HECTD4: variants seen among roughly 807,000 people sequenced by gnomAD.
HECTD4 encodes probable E3 ubiquitin-protein ligase HECTD4.
HECTD4 carries 114 observed loss-of-function variants against 471.5 expected under a neutral mutation model. That is an observed-to-expected ratio of 0.24 (90% CI 0.21 to 0.28). The LOEUF is 0.28. HECTD4 is among the 10% of genes least tolerant of loss of function. The probability of loss-of-function intolerance (pLI) is 1.00; values close to 1 mark genes in which losing one functional copy is unlikely to be tolerated. For synonymous variants in HECTD4, 2,012 were observed against 2,256.0 expected (o/e 0.89, Z 3.07); for missense variants, 3,866 against 5,651.5 (o/e 0.68, Z 10.13).
Position 112,201,119 on chromosome 12 carries a change from A to C in HECTD4, c.8407-321T>G, listed in dbSNP as rs775667569. 6.8e-5 allele frequency: 31 copies of C among 457,110 alleles called. 1 individual carries two copies. Among genetic ancestry groups the C allele is most frequent in the South Asian group, 4.9e-4 (31 of 63,700 alleles). 28.3% of individuals were successfully genotyped at this position (457,110 alleles called of 1,614,324 possible). A position where few individuals can be genotyped will look rare whatever the true frequency, so the allele number is the denominator to read the frequency against. On this transcript the variant is annotated intron_variant, in intron 54 of 75. Transcript: ENST00000682272. ...TCTTATTTTATTTTTTTTGAGATGGAGTCTCACCGTGTCATCCAAGCTGGA... is the reference window on the plus strand; with the variant it reads ...TCTTATTTTATTTTTTTTGAGATGGCGTCTCACCGTGTCATCCAAGCTGGA...
At chr12:112,206,043 TG>T (rs976161815) in intron 52 of HECTD4, among the ~76,000 whole-genome samples, 1 of 152,206 alleles carries the variant, frequency 6.6e-6, no homozygotes, top group Non-Finnish European at 1.5e-5. Flanking sequence ...CATACGATTA[TG>T]TTTGATAGCA....
At chr12:112,305,522 G>A (rs1365727232) in intron 7 of HECTD4, among the ~76,000 whole-genome samples, 1 of 151,976 alleles carries the variant, frequency 6.6e-6, no homozygotes, top group Non-Finnish European at 1.5e-5. Context: ...ACTTGTTTAT[G>A]GTTAATCTTT....
intron 6 of HECTD4, 34 bp from the exon 7 acceptor site, chr12:112,306,268 CCACATATAAATTCTGATTAATCCTAT>C (rs2035269804): frequency 7.0e-7 from 1 of 1,432,720 alleles, no homozygotes. Flanking sequence ...TCCATTAGAG[CCACATATAAATTCTGATTAATCCTAT>C]CAGCTCATCA....
chr12:112,300,632 C>CT (rs2035143674), intron 7 of HECTD4, among the ~76,000 whole-genome samples: 1 of 152,172 alleles, frequency 6.6e-6, no homozygotes, highest in Admixed American at 6.5e-5. Context: ...GGTTCTCACT[C>CT]TGTCACTCAT....
At position 112,193,222 on chromosome 12, in the gene HECTD4, C is replaced by T. The variant is rs754789398; in HGVS notation, c.8956-31G>A. The T allele has an allele frequency of 3.1e-6, 5 of 1,610,288 alleles. No individual in the cohort carries two copies. Among genetic ancestry groups the T allele is most frequent in the Non-Finnish European group, 3.4e-6 (4 of 1,178,190 alleles). Reference sequence around the variant, plus strand: ...AAGAGACACTGAATAAGGAAAGCCACGGGCTAAACACAGGGACAGCATTTC... The same window carrying T: ...AAGAGACACTGAATAAGGAAAGCCATGGGCTAAACACAGGGACAGCATTTC... On this transcript the variant is annotated intron_variant, in intron 57 of 75. Coordinates refer to ENST00000682272, the MANE Select transcript of HECTD4 (RefSeq NM_001388303.1). The surrounding 1 kb of genome is among the most constrained non-coding windows in gnomAD (Gnocchi z 5.2).
At chr12:112,201,103 AT>A (rs762158978) in intron 54 of HECTD4, 43 of 466,658 alleles carry the variant, frequency 9.2e-5, no homozygotes, top group Admixed American at 1.9e-4. Context: ...ATCTTATTTT[AT>A]TTTTTTTGAG....
intron 7 of HECTD4, among the ~76,000 whole-genome samples, chr12:112,304,436 T>G (rs2035233666): frequency 1.3e-5 from 2 of 152,052 alleles, no homozygotes; most frequent in South Asian, 4.2e-4. Context: ...ATTTTTGTAT[T>G]TTTTTGCAGA....
At chr12:112,309,053 G>A (rs1475963170) in intron 5 of HECTD4, among the ~76,000 whole-genome samples, 162 bp from the exon 6 acceptor site, 4 of 152,186 alleles carry the variant, frequency 2.6e-5, no homozygotes, top group African/African-American at 9.7e-5. Context: ...CTTCAGGACT[G>A]CCAAACTATA....
At chr12:112,217,322 C>CAT (rs1430299558) in intron 45 of HECTD4, 127 bp from the exon 46 acceptor site, 1 of 508,808 alleles carries the variant, frequency 2.0e-6, no homozygotes, top group South Asian at 5.2e-5. Context: ...CACACATACA[C>CAT]ACACACACAC....
At chr12:112,257,658 T>C (rs1473307555) in intron 20 of HECTD4, among the ~76,000 whole-genome samples, 3 of 152,326 alleles carry the variant, frequency 2.0e-5, no homozygotes, top group Admixed American at 6.5e-5. Flanking sequence ...TTGTTGTATA[T>C]AACAAAAGTT....
chr12:112,199,653 G>A (rs1240582995), intron 55 of HECTD4, among the ~76,000 whole-genome samples: 1 of 152,244 alleles, frequency 6.6e-6, no homozygotes, highest in African/African-American at 2.4e-5. Context: ...GTGAACATGA[G>A]GGAGCTTTGC....
chr12:112,210,089 C>G lies in HECTD4; in HGVS notation c.7793G>C (p.Gly2598Ala), dbSNP rs1422288254. The G allele has an allele frequency of 6.8e-6, 11 of 1,613,922 alleles. No individual in the cohort carries two copies. The highest frequency in any genetic ancestry group is 5.9e-6 in the Non-Finnish European group (7 of 1,179,910). The change falls in exon 50 of 76, where the codon GGC becomes GCC. Residue 2598 changes from glycine to alanine, a missense_variant. By Grantham distance (60) the Gly-to-Ala change is moderately conservative (BLOSUM62 0). Transcript: ENST00000682272. ...AMASDSDNDA[G>A]TSIASDPGTH... ...GCCTGGGTCTGATGCAATACTGGTGCCAGCATCATTGTCACTGTCAGATGC... is the reference window on the plus strand; with the variant it reads ...GCCTGGGTCTGATGCAATACTGGTGGCAGCATCATTGTCACTGTCAGATGC...
chr12:112,375,310 AT>A (rs906437170), intron 1 of HECTD4, among the ~76,000 whole-genome samples: 1 of 152,154 alleles, frequency 6.6e-6, no homozygotes, highest in African/African-American at 2.4e-5. Context: ...GGACATTTGG[AT>A]TGTTTCCAGC....
chr12:112,185,538 G>A, intron 60 of HECTD4, 45 bp from the exon 61 acceptor site: 3 of 1,425,416 alleles, frequency 2.1e-6, no homozygotes, highest in Non-Finnish European at 2.9e-6. Flanking sequence ...TGCAGCACTG[G>A]CTATGTTCCA....
intron 10 of HECTD4, among the ~76,000 whole-genome samples, chr12:112,274,113 C>T (rs575666107): frequency 2.0e-5 from 3 of 152,196 alleles, no homozygotes; most frequent in Admixed American, 6.5e-5. Context: ...TATAATAGGA[C>T]CAATTAACAT....
chr12:112,270,116 C>A, intron 12 of HECTD4, 111 bp downstream of exon 12: 1 of 920,658 alleles, frequency 1.1e-6, no homozygotes, highest in Non-Finnish European at 1.6e-6. Flanking sequence ...TGGTAAGATG[C>A]AGAACAGGAA....
intron 37 of HECTD4, 120 bp from the exon 38 acceptor site, chr12:112,233,205 T>G (rs2033423912): frequency 2.5e-6 from 1 of 401,384 alleles, no homozygotes; most frequent in South Asian, 2.6e-5. Flanking sequence ...TAGCTTACAC[T>G]AACATTAGCT....
At chr12:112,312,690 A>G (rs1035308621) in intron 4 of HECTD4, among the ~76,000 whole-genome samples, 6 of 152,222 alleles carry the variant, frequency 3.9e-5, no homozygotes, top group Non-Finnish European at 7.3e-5. Context: ...CTGATATTCT[A>G]TTAGCAGACA....
chr12:112,259,125 A>T lies in HECTD4; in HGVS notation c.3014T>A (p.Leu1005His), dbSNP rs774579147. ...ALMPQLVQLV[L>H]YTSQTALLLK... ...CAAGGATCATACCTGGCTGGTATAGAGTACCAGCTGCACTAGCTGAGGCAT... is the reference window on the plus strand; with the variant it reads ...CAAGGATCATACCTGGCTGGTATAGTGTACCAGCTGCACTAGCTGAGGCAT... Residue 1005 changes from leucine (L) to histidine (H), a missense_variant, in exon 19 of 76, where the codon CTC becomes CAC. By Grantham distance (99) the Leu-to-His change is moderately conservative (BLOSUM62 -3). Around this residue, in one of 16 missense-constraint regions of HECTD4, gnomAD observed 525 missense variants for 672.6 expected, o/e 0.78. Coordinates refer to ENST00000682272, the MANE Select transcript of HECTD4 (RefSeq NM_001388303.1). The T allele has an allele frequency of 1.9e-6, 3 of 1,612,302 alleles. No homozygotes were observed. The highest frequency in any genetic ancestry group is 3.4e-5 in the Admixed American group (2 of 59,430).
Sources: gnomAD v4.1 joint callset for allele counts (sites outside exome capture counted in the v4.1 genomes callset) on GRCh38, gnomAD v4.1.1 for gene constraint, gnomAD v4.1.1 regional missense constraint, Gnocchi (gnomAD v3.1) non-coding constraint, MANE v1.5 for transcripts, NCBI Gene and HGNC (gene_info 2026-07-23, HGNC 2026-07-21) for gene names.